The following PPARGC1A variants were observed in gnomAD, a reference collection of about 807,000 sequenced individuals.
PPARGC1A encodes the protein PPARG coactivator 1 alpha, also known as peroxisome proliferator-activated receptor gamma coactivator 1-alpha.
A neutral mutation model predicts 88.7 loss-of-function variants in PPARGC1A; 25 were observed. The ratio of observed to expected loss-of-function variants is 0.28; its 90% CI spans 0.21 to 0.39. The LOEUF is 0.39. Ranked by LOEUF, PPARGC1A falls within the 10% of genes least tolerant of loss-of-function variation. The pLI is 1.00. For synonymous variants in PPARGC1A, 363 were observed against 355.6 expected, an observed-to-expected ratio of 1.02 and a Z score of -0.24; for missense variants, 880 against 968.7, an observed-to-expected ratio of 0.91 and a Z score of 1.22.
the PPARGC1A span, among the ~76,000 whole-genome samples, chr4:24,351,840 G>A: frequency 4.0e-5 from 6 of 151,270 alleles, no homozygotes; most frequent in Admixed American, 2.0e-4. Flanking sequence ...TTTTTAATAT[G>A]GTCTTTTCAA....
chr4:24,242,265 A>G, the PPARGC1A span, among the ~76,000 whole-genome samples: 5 of 152,174 alleles, frequency 3.3e-5, no homozygotes, highest in South Asian at 2.1e-4. Flanking sequence ...ACAGAGCCCA[A>G]CACGCCTGGT....
chr4:24,351,028 C>G, the PPARGC1A span, among the ~76,000 whole-genome samples: 10 of 151,648 alleles, frequency 6.6e-5, no homozygotes, highest in Admixed American at 5.3e-4. Context: ...CACAGGATTT[C>G]AAGATCAGCC....
the PPARGC1A span, among the ~76,000 whole-genome samples, chr4:24,129,788 C>T: frequency 1.3e-5 from 2 of 152,132 alleles, no homozygotes; most frequent in South Asian, 2.1e-4. Flanking sequence ...AAATGTGGCA[C>T]ATATACACCA....
At chr4:24,461,858 C>A in the PPARGC1A span, among the ~76,000 whole-genome samples, 1 of 152,160 alleles carries the variant, frequency 6.6e-6, no homozygotes, top group Admixed American at 6.6e-5. Context: ...AAGCCCAGAA[C>A]AAATGTCGCT....
At chr4:24,060,728 G>A in the PPARGC1A span, among the ~76,000 whole-genome samples, 1 of 152,158 alleles carries the variant, frequency 6.6e-6, no homozygotes, top group Non-Finnish European at 1.5e-5. Flanking sequence ...CTTTCTTTGT[G>A]CTAGGTGAAA....
chr4:24,175,635 G>A, the PPARGC1A span, among the ~76,000 whole-genome samples: 10 of 144,080 alleles, frequency 6.9e-5, no homozygotes, highest in South Asian at 2.2e-4. Context: ...TGATCTGCCC[G>A]CCTCGGCGTC....
chr4:24,013,657 GTCCTTACTC>G, the PPARGC1A span, among the ~76,000 whole-genome samples: 1 of 152,100 alleles, frequency 6.6e-6, no homozygotes, highest in African/African-American at 2.4e-5. Context: ...TATGAATTCT[GTCCTTACTC>G]TCCTACACAC....
the PPARGC1A span, among the ~76,000 whole-genome samples, chr4:24,390,724 T>C: frequency 3.3e-5 from 5 of 152,042 alleles, no homozygotes; most frequent in African/African-American, 7.2e-5. Flanking sequence ...TTACGAAGTA[T>C]TGTTTGAAGC....
the PPARGC1A span, among the ~76,000 whole-genome samples, chr4:24,144,794 C>G: frequency 6.6e-6 from 1 of 152,098 alleles, no homozygotes; most frequent in South Asian, 2.1e-4. Flanking sequence ...AATAGATAGT[C>G]TGTTCAAATA....
intron 5 of PPARGC1A, among the ~76,000 whole-genome samples, chr4:23,827,891 A>T (rs1348566417): frequency 2.0e-5 from 3 of 152,094 alleles, no homozygotes; most frequent in Admixed American, 6.6e-5. Context: ...AGAAGGAGAA[A>T]GAAGGAGAGG....
At position 23,812,843 on chromosome 4, in the gene PPARGC1A, C is replaced by G. The variant is rs1721183594; in HGVS notation, c.1923G>C (p.Gln641His). ...ATTCTTCCCTCTTCAGCCTCTCGTGCTGATATTCCTCGTAGCTGTCATACC... is the reference window on the plus strand; with the variant it reads ...ATTCTTCCCTCTTCAGCCTCTCGTGGTGATATTCCTCGTAGCTGTCATACC... ...RPRYDSYEEY[Q>H]HERLKREEYR... Residue 641 changes from glutamine to histidine, a missense_variant, in exon 10 of 13, where the codon CAG becomes CAC. Transcript: ENST00000264867. 6.2e-7 allele frequency: 1 copy of G among 1,613,900 alleles called. No individual in the cohort carries two copies. The highest frequency in any genetic ancestry group is 1.7e-5 in the Admixed American group (1 of 59,982).
At chr4:23,875,164 T>A (rs60571065) in intron 2 of PPARGC1A, among the ~76,000 whole-genome samples, 9,453 of 151,732 alleles carry the variant, frequency 0.062, 415 homozygotes, top group Non-Finnish European at 0.095. Flanking sequence ...AAAAAGATAA[T>A]TGTTTGTGGA....
chr4:24,158,689 G>T, the PPARGC1A span, among the ~76,000 whole-genome samples: 3 of 152,196 alleles, frequency 2.0e-5, no homozygotes, highest in African/African-American at 7.2e-5. Context: ...AATTGTTGTG[G>T]AACAGCTTGA....
intron 2 of PPARGC1A, 77 bp downstream of exon 2, chr4:23,884,675 A>G: frequency 1.5e-6 from 2 of 1,298,302 alleles, no homozygotes; most frequent in Non-Finnish European, 2.1e-6. Context: ...CTCATTATGC[A>G]TTCAGGTCTA....
chr4:23,828,971 C>T (rs549567343), intron 4 of PPARGC1A, among the ~76,000 whole-genome samples: 1 of 152,264 alleles, frequency 6.6e-6, no homozygotes, highest in Admixed American at 6.5e-5. Flanking sequence ...CTTAATGCTC[C>T]GTTTTCACTC....
the PPARGC1A span, among the ~76,000 whole-genome samples, chr4:24,274,038 C>T: frequency 2.6e-5 from 4 of 151,380 alleles, no homozygotes; most frequent in African/African-American, 4.9e-5. Flanking sequence ...CGTGCCTGGC[C>T]GGGGCACTTT....
At chr4:23,963,664 G>T in the PPARGC1A span, among the ~76,000 whole-genome samples, 1 of 152,162 alleles carries the variant, frequency 6.6e-6, no homozygotes, top group Admixed American at 6.5e-5. Context: ...AGAGAAGTCA[G>T]TATGTTTCCC....
chr4:24,011,327 A>C, the PPARGC1A span, among the ~76,000 whole-genome samples: 1 of 152,082 alleles, frequency 6.6e-6, no homozygotes, highest in Non-Finnish European at 1.5e-5. Flanking sequence ...TGGAGGAAAC[A>C]AGACAGCCCC....
chr4:23,829,350 G>C, intron 4 of PPARGC1A, 113 bp downstream of exon 4: 1 of 1,139,008 alleles, frequency 8.8e-7, no homozygotes, highest in African/African-American at 1.5e-5. Flanking sequence ...TCATCATTAT[G>C]AGGCAGCTTC....
Sources: allele counts gnomAD v4.1 joint callset (sites outside exome capture counted in the v4.1 genomes callset), GRCh38; gene constraint gnomAD v4.1.1; transcripts MANE v1.5; gene names NCBI Gene and HGNC (gene_info 2026-07-23, HGNC 2026-07-21).